The following NEK11 variants were observed in gnomAD, a reference collection of about 807,000 sequenced individuals.
The protein encoded by NEK11 is serine/threonine-protein kinase Nek11.
A neutral mutation model predicts 80.7 loss-of-function variants in NEK11; 72 were observed. The ratio of observed to expected loss-of-function variants is 0.89; its 90% CI spans 0.74 to 1.08. NEK11 has a LOEUF of 1.08. Among genes scored for constraint, NEK11 ranks in the 50% least tolerant of loss-of-function variants. The pLI is 0.00. For synonymous variants in NEK11, 251 were observed against 260.7 expected (o/e 0.96, Z 0.36); for missense variants, 764 against 763.6 (o/e 1.00, Z -0.01).
At chr3:131,159,231 T>C (rs1475121425) in intron 10 of NEK11, among the ~76,000 whole-genome samples, 1 of 152,212 alleles carries the variant, frequency 6.6e-6, no homozygotes, top group African/African-American at 2.4e-5. Flanking sequence ...CCAGACTGCC[T>C]TCTTTCCTCC....
At chr3:131,264,961 A>T (rs2096017202) in intron 16 of NEK11, among the ~76,000 whole-genome samples, 1 of 151,982 alleles carries the variant, frequency 6.6e-6, no homozygotes, top group Non-Finnish European at 1.5e-5. Flanking sequence ...TAGGTATTTT[A>T]TTCTCTTTGA....
At chr3:131,255,124 G>GAAAGA (rs1553966666) in intron 16 of NEK11, among the ~76,000 whole-genome samples, 308 of 150,186 alleles carry the variant, frequency 2.1e-3, no homozygotes, top group African/African-American at 7.2e-3. Context: ...AAGAAAGAAA[G>GAAAGA]AAAGAGAGAA....
chr3:131,058,465 G>C (rs1404910003), intron 3 of NEK11, among the ~76,000 whole-genome samples: 1 of 151,936 alleles, frequency 6.6e-6, no homozygotes, highest in African/African-American at 2.4e-5. Context: ...ATTGAATCTA[G>C]TTTTAGAGAG....
chr3:131,068,099 T>G (rs2072394140), intron 3 of NEK11, among the ~76,000 whole-genome samples: 5 of 152,118 alleles, frequency 3.3e-5, no homozygotes, highest in Admixed American at 3.3e-4. Flanking sequence ...GGTTGGGGGA[T>G]GGAGGGGGAC....
chr3:131,233,310 G>C (rs899925160), intron 15 of NEK11, among the ~76,000 whole-genome samples: 11 of 152,190 alleles, frequency 7.2e-5, no homozygotes, highest in African/African-American at 2.7e-4. Context: ...GGGAAGAGCA[G>C]GGCCTCAGCG....
chr3:131,144,024 C>T (rs1037370429), intron 7 of NEK11, among the ~76,000 whole-genome samples: 6 of 152,126 alleles, frequency 3.9e-5, no homozygotes, highest in Non-Finnish European at 8.8e-5. Context: ...TCATGCATTG[C>T]TCTGGGGCAG....
At chr3:131,134,504 G>A (rs1337079661) in intron 7 of NEK11, among the ~76,000 whole-genome samples, 1 of 151,766 alleles carries the variant, frequency 6.6e-6, no homozygotes, top group Non-Finnish European at 1.5e-5. Flanking sequence ...GGGTTCAAGC[G>A]ATTCTCCTGC....
intron 16 of NEK11, among the ~76,000 whole-genome samples, chr3:131,259,214 T>C (rs1266688108): frequency 3.9e-5 from 6 of 152,150 alleles, no homozygotes; most frequent in South Asian, 4.1e-4. Context: ...CTAGACCATC[T>C]TCTTCCTTTT....
At chr3:131,058,558 G>A (rs2070129686) in intron 3 of NEK11, among the ~76,000 whole-genome samples, 1 of 152,134 alleles carries the variant, frequency 6.6e-6, no homozygotes, top group South Asian at 2.1e-4. Flanking sequence ...AGCTGTGGGT[G>A]TAATATCTAG....
At chr3:131,077,799 C>G (rs1484942167) in intron 3 of NEK11, among the ~76,000 whole-genome samples, 1 of 152,156 alleles carries the variant, frequency 6.6e-6, no homozygotes, top group Admixed American at 6.5e-5. Context: ...TATGTCATTT[C>G]TAGCTTCTTT....
At chr3:131,208,638 G>C (rs1275479582) in intron 14 of NEK11, among the ~76,000 whole-genome samples, 2 of 152,034 alleles carry the variant, frequency 1.3e-5, no homozygotes, top group African/African-American at 2.4e-5. Flanking sequence ...CTTTTATTTC[G>C]TGGAGCAGTG....
At chr3:131,272,758 G>A (rs1406175178) in intron 16 of NEK11, among the ~76,000 whole-genome samples, 2 of 152,072 alleles carry the variant, frequency 1.3e-5, no homozygotes, top group African/African-American at 4.8e-5. Context: ...TTACAGGCAT[G>A]AGCCACTGCA....
At position 131,042,424 on chromosome 3, in the gene NEK11, G is replaced by C. The variant is rs141890523; in HGVS notation, c.170+12546G>C. Among the ~76,000 whole-genome samples the C allele has an allele frequency of 2.3e-3, 348 of 152,242 alleles. 1 individual carries two copies. The highest frequency in any genetic ancestry group is 7.9e-3 in the African/African-American group (327 of 41,554). On this transcript the variant is annotated intron_variant, in intron 3 of 17. Coordinates refer to ENST00000383366, the MANE Select transcript of NEK11 (RefSeq NM_024800.5). ...GACCTGGGATGCTGTTGCTTGGTGG[G>C]GGGAGGGGTGTTCACCATTACTGAG...
At chr3:131,044,411 CA>C (rs1457989921) in intron 3 of NEK11, among the ~76,000 whole-genome samples, 1 of 32,306 alleles carries the variant, frequency 3.1e-5, no homozygotes, top group Non-Finnish European at 6.1e-5. Context: ...ATTTACCAAG[CA>C]AATGGAAAGC....
chr3:131,147,759 A>AT (rs892032188), intron 7 of NEK11, among the ~76,000 whole-genome samples: 6 of 151,686 alleles, frequency 4.0e-5, no homozygotes, highest in Non-Finnish European at 8.8e-5. Flanking sequence ...AGGTCTTTGG[A>AT]TTTTTTTCTG....
chr3:131,349,750 G>A lies in NEK11; in HGVS notation c.1912G>A (p.Glu638Lys). ...GCAGTTGCTGATCACGATGGGAAAA[G>A]AACCTACTCTCCAGAACCATCTCTA... ...EEQLLITMGK[E>K]PTLQNHL The change falls in exon 18 of 18, where the codon GAA (glutamate) becomes AAA (lysine). Residue 638 changes from glutamate (E) to lysine (K), a missense_variant. Transcript: ENST00000383366. The A allele has an allele frequency of 6.2e-7, 1 of 1,614,074 alleles. No homozygotes were observed. The highest frequency in any genetic ancestry group is 8.5e-7 in the Non-Finnish European group (1 of 1,179,926).
At position 131,056,289 on chromosome 3, in the gene NEK11, C is replaced by T. The variant is rs1050555222; in HGVS notation, c.171-24134C>T. Among the ~76,000 whole-genome samples the T allele has an allele frequency of 3.9e-5, 6 of 152,314 alleles. No homozygotes were observed. In the East Asian group the frequency reaches 1.2e-3, roughly 29 times the overall value. On this transcript the variant is annotated intron_variant, in intron 3 of 17. Coordinates refer to ENST00000383366, the MANE Select transcript of NEK11 (RefSeq NM_024800.5). ...TCTAGATGGTTGCCCCATCTCTCCC[C>T]TTGTAGACATGGTCTCCTTGCCTAT...
intron 4 of NEK11, among the ~76,000 whole-genome samples, chr3:131,090,965 T>C (rs1263589329): frequency 6.6e-6 from 1 of 152,232 alleles, no homozygotes; most frequent in Non-Finnish European, 1.5e-5. Context: ...GATCTTGCTA[T>C]GTTGCCCAGG....
At chr3:131,085,036 G>A (rs1318635754) in intron 4 of NEK11, among the ~76,000 whole-genome samples, 2 of 152,342 alleles carry the variant, frequency 1.3e-5, no homozygotes, top group African/African-American at 4.8e-5. Context: ...GAACAAGAGA[G>A]TCTGGCCCTG....
Sources: allele counts gnomAD v4.1 joint callset (sites outside exome capture counted in the v4.1 genomes callset), GRCh38; gene constraint gnomAD v4.1.1; transcripts MANE v1.5; gene names NCBI Gene and HGNC (gene_info 2026-07-23, HGNC 2026-07-21).